Variants in ASTN2 observed in about 807,000 individuals in gnomAD.
The protein encoded by ASTN2 is astrotactin 2, also known as astrotactin-2.
A neutral mutation model predicts 139.8 loss-of-function variants in ASTN2; 54 were observed. The ratio of observed to expected loss-of-function variants is 0.39; its 90% CI spans 0.31 to 0.48. The LOEUF is 0.48. ASTN2 is among the 20% of genes least tolerant of loss of function. The pLI is 0.95. For missense variants in ASTN2, 1,565 were observed against 1,725.1 expected, an observed-to-expected ratio of 0.91 and a Z score of 1.64; for synonymous variants, 756 against 719.5, an observed-to-expected ratio of 1.05 and a Z score of -0.81.
intron 5 of ASTN2, among the ~76,000 whole-genome samples, chr9:117,085,288 C>T (rs1429436342): frequency 6.6e-6 from 1 of 152,200 alleles, no homozygotes; most frequent in African/African-American, 2.4e-5. Context: ...TTACTTCTTA[C>T]TGACAGTTCT....
At chr9:116,488,555 T>C (rs1041779494) in intron 19 of ASTN2, among the ~76,000 whole-genome samples, 1 of 152,262 alleles carries the variant, frequency 6.6e-6, no homozygotes, top group Non-Finnish European at 1.5e-5. Flanking sequence ...GAAATGGCTA[T>C]ATCAATTGAG....
At chr9:117,003,953 CGTGT>C (rs3038371) in intron 7 of ASTN2, among the ~76,000 whole-genome samples, 19,855 of 146,048 alleles carry the variant, frequency 0.14, 1,520 homozygotes, top group East Asian at 0.25. Context: ...CGCGCGCGCG[CGTGT>C]GTGTGTGTGT....
chr9:117,365,064 G>A (rs1390123371), intron 1 of ASTN2, among the ~76,000 whole-genome samples: 2 of 151,504 alleles, frequency 1.3e-5, no homozygotes, highest in Non-Finnish European at 2.9e-5. Flanking sequence ...GGAAAGGATT[G>A]CTTGAACCCT....
At chr9:116,894,685 T>C (rs981084146) in intron 10 of ASTN2, among the ~76,000 whole-genome samples, 8 of 152,142 alleles carry the variant, frequency 5.3e-5, no homozygotes, top group African/African-American at 1.9e-4. Flanking sequence ...CTCAAGTGAT[T>C]CTTCTGCCTT....
intron 1 of ASTN2, among the ~76,000 whole-genome samples, chr9:117,334,405 C>T (rs1228608241): frequency 1.3e-5 from 2 of 151,714 alleles, no homozygotes; most frequent in African/African-American, 4.8e-5. Flanking sequence ...CACCTTGAGA[C>T]ATTTATTTTT....
At chr9:117,138,047 G>A (rs1680650848) in intron 4 of ASTN2, among the ~76,000 whole-genome samples, 2 of 152,120 alleles carry the variant, frequency 1.3e-5, no homozygotes, top group African/African-American at 4.8e-5. Context: ...ATTTTCCAGT[G>A]ATCTTTGATG....
intron 13 of ASTN2, among the ~76,000 whole-genome samples, chr9:116,740,541 C>T (rs1175187511): frequency 6.6e-6 from 1 of 152,028 alleles, no homozygotes; most frequent in African/African-American, 2.4e-5. Context: ...GAGATGGAGT[C>T]TTGCTCTGTC....
intron 14 of ASTN2, among the ~76,000 whole-genome samples, chr9:116,730,750 C>A (rs933691023): frequency 6.6e-6 from 1 of 152,202 alleles, no homozygotes; most frequent in Non-Finnish European, 1.5e-5. Context: ...TGTTGAGAGG[C>A]AGCTCTTTCA....
Position 116,743,273 on chromosome 9 carries a change from G to A in ASTN2, c.2397-9750C>T, listed in dbSNP as rs115351687. On this transcript the variant is annotated intron_variant, in intron 13 of 22. Coordinates refer to ENST00000313400, the MANE Select transcript of ASTN2 (RefSeq NM_001365068.1). ...AATCAAAAAATGGAAATACTTGGCC[G>A]GGCATGGTGGCTTATGCCTGTAATC... Among the ~76,000 whole-genome samples, 973 of 152,244 alleles carry A rather than the reference G, an allele frequency of 6.4e-3. 9 individuals carry two copies. The highest frequency in any genetic ancestry group is 0.022 in the African/African-American group (923 of 41,550).
intron 1 of ASTN2, among the ~76,000 whole-genome samples, chr9:117,342,465 C>G (rs941405097): frequency 3.9e-5 from 6 of 152,108 alleles, no homozygotes; most frequent in Non-Finnish European, 8.8e-5. Context: ...TCGGAGTTTC[C>G]CAAAGTGAGT....
rs761710154 is a variant in ASTN2, at chr9:117,141,370, C to G, written c.1124G>C (p.Arg375Pro). The G allele has an allele frequency of 7.3e-7, 1 of 1,367,398 alleles. No homozygotes were observed. The highest frequency in any genetic ancestry group is 9.8e-7 in the Non-Finnish European group (1 of 1,021,844). The allele number at this position is 1,367,398 out of a possible 1,614,324, so 84.7% of individuals were successfully genotyped here. The stretch of plus-strand genomic sequence containing the variant: ...CTTCCTCTTCCCTGCCGATGTGCTG[C>G]GCAGGGGTGGTTGCAGCTGACCGAT... ...IEIGQLQPPL[R>P]STSAGKRKRR... Residue 375 changes from arginine to proline, a missense_variant, in exon 4 of 23, where the codon CGC (arginine) becomes CCC (proline). Physicochemically the swap from Arg to Pro is moderately radical, Grantham distance 103. Around this residue, in one of 4 missense-constraint regions of ASTN2, gnomAD observed 596 missense variants for 576.8 expected, o/e 1.03. Transcript: ENST00000313400.
chr9:116,922,830 G>A (rs1054283010), intron 10 of ASTN2, among the ~76,000 whole-genome samples: 1 of 152,152 alleles, frequency 6.6e-6, no homozygotes, highest in Non-Finnish European at 1.5e-5. Flanking sequence ...TAAGAAATAT[G>A]TACTTTGGGG....
At chr9:117,122,032 A>G (rs1022280672) in intron 4 of ASTN2, among the ~76,000 whole-genome samples, 24 of 152,164 alleles carry the variant, frequency 1.6e-4, no homozygotes, top group African/African-American at 5.3e-4. Flanking sequence ...GAGTCAAACC[A>G]TATCACCTGT....
chr9:117,324,558 C>G (rs1564146783), intron 1 of ASTN2, among the ~76,000 whole-genome samples: 1 of 152,172 alleles, frequency 6.6e-6, no homozygotes, highest in South Asian at 2.1e-4. Flanking sequence ...CCCCATGATA[C>G]AGTCACCTCC....
rs147304059 is a variant in ASTN2 at position 116,698,343 on chromosome 9, C to T, written c.2806+27428G>A. On this transcript the variant is annotated intron_variant, in intron 16 of 22. Coordinates refer to ENST00000313400, the MANE Select transcript of ASTN2 (RefSeq NM_001365068.1). The surrounding 1 kb of genome is among the most constrained non-coding windows in gnomAD (Gnocchi z 4.4). ...GCGCAGGGTCCAGGATGAGCTGGCT[C>T]GCTCTCGGAAGTTCTTCACAGGCTC... 4.5e-5 allele frequency: 73 copies of T among 1,614,098 alleles called. No individual in the cohort carries two copies. The highest frequency in any genetic ancestry group is 1.0e-4 in the Admixed American group (6 of 60,022).
chr9:116,677,001 C>T (rs775880760), intron 16 of ASTN2, among the ~76,000 whole-genome samples: 16 of 152,244 alleles, frequency 1.1e-4, no homozygotes, highest in Non-Finnish European at 1.5e-4. Flanking sequence ...AAATATTGGC[C>T]GCTTGGCATG....
chr9:117,079,065 T>C (rs1339944504), intron 5 of ASTN2, among the ~76,000 whole-genome samples: 1 of 152,172 alleles, frequency 6.6e-6, no homozygotes, highest in Non-Finnish European at 1.5e-5. Context: ...GAAGAGCTTT[T>C]AAAAAGATGG....
At chr9:116,806,240 G>A (rs902658169) in intron 12 of ASTN2, among the ~76,000 whole-genome samples, 1 of 152,152 alleles carries the variant, frequency 6.6e-6, no homozygotes, top group African/African-American at 2.4e-5. Flanking sequence ...TTATCATCCT[G>A]GTAGCTCAGA....
intron 2 of ASTN2, among the ~76,000 whole-genome samples, chr9:117,284,557 C>G (rs904607044): frequency 2.0e-5 from 3 of 152,244 alleles, no homozygotes; most frequent in South Asian, 4.1e-4. Flanking sequence ...CTGGTGCCTT[C>G]AGAAGGTGCA....
Sources: allele counts gnomAD v4.1 joint callset (sites outside exome capture counted in the v4.1 genomes callset), GRCh38; gene constraint gnomAD v4.1.1; regional missense constraint gnomAD v4.1.1; non-coding constraint Gnocchi (gnomAD v3.1); transcripts MANE v1.5; gene names NCBI Gene and HGNC (gene_info 2026-07-23, HGNC 2026-07-21).